The following GRM7 variants were observed in gnomAD, a reference collection of about 807,000 sequenced individuals.
GRM7 encodes metabotropic glutamate receptor 7.
In GRM7, 35 loss-of-function variants were observed where a neutral mutation model predicts 84.5. The observed-to-expected ratio is 0.41, with a 90% CI of 0.32 to 0.55. The LOEUF (loss-of-function observed/expected upper bound fraction) is 0.55. GRM7 is among the 20% of genes least tolerant of loss of function. The pLI, the probability that GRM7 is intolerant of heterozygous loss-of-function variation, is 0.19. For missense variants in GRM7, 1,003 were observed against 1,194.6 expected (o/e 0.84, Z 2.36); for synonymous variants, 487 against 455.1 (o/e 1.07, Z -0.89).
chr3:6,994,215 G>A (rs1018588628), intron 1 of GRM7, among the ~76,000 whole-genome samples: 4 of 152,148 alleles, frequency 2.6e-5, no homozygotes, highest in East Asian at 3.8e-4. Context: ...ACAGAGAAAG[G>A]TTGTTGGATT....
intron 1 of GRM7, among the ~76,000 whole-genome samples, chr3:6,907,944 A>G (rs1328871432): frequency 6.6e-6 from 1 of 152,046 alleles, no homozygotes; most frequent in Non-Finnish European, 1.5e-5. Flanking sequence ...TAATGTATTG[A>G]TCTCTCTTTC....
chr3:7,130,484 A>G (rs1264962284), intron 1 of GRM7, among the ~76,000 whole-genome samples: 1 of 151,026 alleles, frequency 6.6e-6, no homozygotes, highest in Non-Finnish European at 1.5e-5. Flanking sequence ...TGGAGGTTGC[A>G]GGGAGCCGAG....
chr3:6,903,155 T>C (rs1413613037), intron 1 of GRM7, among the ~76,000 whole-genome samples: 3 of 152,020 alleles, frequency 2.0e-5, no homozygotes, highest in Non-Finnish European at 2.9e-5. Flanking sequence ...CTTATTAATA[T>C]TACCCTATCA....
chr3:7,248,266 A>G (rs976503433), intron 2 of GRM7, among the ~76,000 whole-genome samples: 1 of 152,188 alleles, frequency 6.6e-6, no homozygotes, highest in Non-Finnish European at 1.5e-5. Context: ...TGTTCATACA[A>G]GGGAATACTA....
At position 7,213,246 on chromosome 3, in the gene GRM7, T is replaced by C. The variant is rs115597344; in HGVS notation, c.736+66578T>C. 2.7e-3 allele frequency among the ~76,000 whole-genome samples: 417 copies of C among 152,340 alleles called. 3 individuals are homozygous for C. The highest frequency in any genetic ancestry group is 9.6e-3 in the African/African-American group (399 of 41,574). ...AAGGTATTGTTTTATCATCTTGATA[T>C]GAAAATTGGATTTGAACAGTATTAT... is the stretch of plus-strand genomic sequence containing the variant. On this transcript the variant is annotated intron_variant, in intron 2 of 9. Transcript: ENST00000357716.
chr3:7,532,623 A>G (rs1701082275), intron 7 of GRM7, among the ~76,000 whole-genome samples: 1 of 151,676 alleles, frequency 6.6e-6, no homozygotes, highest in African/African-American at 2.4e-5. Context: ...TATCTCCTTC[A>G]GTTCTGCTCT....
At chr3:6,951,512 T>G (rs890035330) in intron 1 of GRM7, among the ~76,000 whole-genome samples, 3 of 152,242 alleles carry the variant, frequency 2.0e-5, no homozygotes, top group African/African-American at 4.8e-5. Context: ...TAAAACAGTT[T>G]TAATTTCCCT....
intron 1 of GRM7, among the ~76,000 whole-genome samples, chr3:7,130,093 G>C (rs1363650635): frequency 6.6e-6 from 1 of 152,116 alleles, no homozygotes; most frequent in Non-Finnish European, 1.5e-5. Context: ...TTCCATAAAA[G>C]TAGAGATCTG....
chr3:7,501,359 C>G (rs1699877065), intron 7 of GRM7, among the ~76,000 whole-genome samples: 1 of 152,178 alleles, frequency 6.6e-6, no homozygotes, highest in East Asian at 1.9e-4. Context: ...TCTTGAGGAA[C>G]ACTTGCAGCT....
At chr3:7,032,267 G>A (rs2124928892) in intron 1 of GRM7, among the ~76,000 whole-genome samples, 1 of 152,264 alleles carries the variant, frequency 6.6e-6, no homozygotes, top group Non-Finnish European at 1.5e-5. Flanking sequence ...AGTAGCTGTG[G>A]GAAAATGTGG....
At chr3:7,690,406 T>C (rs1009178368) in intron 9 of GRM7, among the ~76,000 whole-genome samples, 4 of 152,082 alleles carry the variant, frequency 2.6e-5, no homozygotes, top group African/African-American at 4.8e-5. Context: ...ATAAATATTA[T>C]AAAAATAAAA....
At chr3:6,906,677 C>T (rs1439614644) in intron 1 of GRM7, among the ~76,000 whole-genome samples, 1 of 152,170 alleles carries the variant, frequency 6.6e-6, no homozygotes, top group South Asian at 2.1e-4. Context: ...GCCTCTTGAA[C>T]CCATATATGC....
In GRM7 at chr3:7,529,914, T is replaced by C. The variant is rs1394995831; in HGVS notation, c.1516-48508T>C. ...ACCACTGGCTGTTAGGACCTTTTCT[T>C]TTTTTTTTTTTTGTCAGTTCAACAT... is the stretch of plus-strand genomic sequence containing the variant. On this transcript the variant is annotated intron_variant, in intron 7 of 9. Transcript: ENST00000357716. Among the ~76,000 whole-genome samples, 163 of 75,136 alleles carry C rather than the reference T, an allele frequency of 2.2e-3. 1 individual carries two copies. In the South Asian group the frequency reaches 0.036, roughly 16 times the overall value. 49.3% of individuals were successfully genotyped at this position (75,136 alleles called of 152,430 possible).
chr3:7,435,157 A>G (rs74478097), intron 5 of GRM7, among the ~76,000 whole-genome samples: 174 of 149,208 alleles, frequency 1.2e-3, no homozygotes, highest in African/African-American at 4.2e-3. Flanking sequence ...TTCATTCTCT[A>G]TATTTTCTTT....
intron 2 of GRM7, among the ~76,000 whole-genome samples, chr3:7,284,755 C>A (rs1346086671): frequency 6.6e-6 from 1 of 151,986 alleles, no homozygotes; most frequent in Non-Finnish European, 1.5e-5. Flanking sequence ...TATAACAAAA[C>A]TATTGTTTAC....
chr3:7,701,181 T>A (rs912187393), intron 9 of GRM7, among the ~76,000 whole-genome samples: 1 of 152,128 alleles, frequency 6.6e-6, no homozygotes, highest in African/African-American at 2.4e-5. Flanking sequence ...CAGGGGACCT[T>A]GTTGGCAGGC....
chr3:7,433,328 T>C (rs1403201851), intron 5 of GRM7, among the ~76,000 whole-genome samples: 1 of 152,348 alleles, frequency 6.6e-6, no homozygotes, highest in Non-Finnish European at 1.5e-5. Flanking sequence ...CTTCCATTCC[T>C]TCCCAGAGCT....
intron 4 of GRM7, among the ~76,000 whole-genome samples, chr3:7,345,442 G>A (rs1692847967): frequency 6.6e-6 from 1 of 151,744 alleles, no homozygotes; most frequent in Admixed American, 6.6e-5. Context: ...ACCATGCCTG[G>A]CTTATTTATT....
intron 1 of GRM7, among the ~76,000 whole-genome samples, chr3:7,133,572 A>G (rs1463464906): frequency 2.0e-5 from 3 of 152,218 alleles, no homozygotes; most frequent in Non-Finnish European, 4.4e-5. Flanking sequence ...TGACATTTAT[A>G]TTGCTAGCAA....
Sources: gnomAD v4.1 joint callset for allele counts (sites outside exome capture counted in the v4.1 genomes callset) on GRCh38, gnomAD v4.1.1 for gene constraint, MANE v1.5 for transcripts, NCBI Gene and HGNC (gene_info 2026-07-23, HGNC 2026-07-21) for gene names.